SPRY3: variants seen among roughly 807,000 people sequenced by gnomAD.
The protein encoded by SPRY3 is sprouty RTK signaling antagonist 3, also known as protein sprouty homolog 3.
In SPRY3, 15 loss-of-function variants were observed where a neutral mutation model predicts 20.2. That is an observed-to-expected ratio of 0.74 (90% confidence interval 0.50 to 1.14). The LOEUF (loss-of-function observed/expected upper bound fraction) is 1.14. Among genes scored for constraint, SPRY3 ranks in the 50% most tolerant of loss-of-function variants. The probability of loss-of-function intolerance (pLI) is 0.00; values close to 1 mark genes in which losing one functional copy is unlikely to be tolerated. For synonymous variants in SPRY3, 143 were observed against 136.5 expected, an observed-to-expected ratio of 1.05 and a Z score of -0.33; for missense variants, 364 against 363.9, an observed-to-expected ratio of 1.00 and a Z score of 0.00.
At chrX:155,666,631 A>G (rs1191153270) in intron 2 of SPRY3, among the ~76,000 whole-genome samples, 3 of 111,870 alleles carry the variant, frequency 2.7e-5, no homozygotes, top group Non-Finnish European at 3.8e-5. Context: ...ATTGATCTAT[A>G]TTGCTAACAA....
chrX:155,736,509 T>G (rs1040460363), intron 2 of SPRY3, among the ~76,000 whole-genome samples: 8 of 152,016 alleles, frequency 5.3e-5, no homozygotes, highest in Admixed American at 5.2e-4. Context: ...AATACTTCGT[T>G]CCACTTTCTT....
chrX:155,756,760 A>G (rs750023119), intron 2 of SPRY3, among the ~76,000 whole-genome samples: 1 of 152,298 alleles, frequency 6.6e-6, no homozygotes, highest in East Asian at 1.9e-4. Context: ...CCTTTACAAG[A>G]CACAGAGACT....
At chrX:155,774,018 C>G (rs1176530431) in exon 4 of SPRY3, 23 of 1,613,834 alleles carry the variant, frequency 1.4e-5, no homozygotes, top group Non-Finnish European at 1.9e-5. Context: ...TGCAAACCCA[C>G]AAGTCTGATT....
chrX:155,740,634 G>A (rs1240329129), intron 2 of SPRY3, among the ~76,000 whole-genome samples: 5 of 152,170 alleles, frequency 3.3e-5, no homozygotes, highest in Middle Eastern at 3.4e-3. Flanking sequence ...AGGTCAGACC[G>A]GTTCTCTGCT....
intron 2 of SPRY3, among the ~76,000 whole-genome samples, chrX:155,684,431 T>A (rs1338109303): frequency 9.0e-6 from 1 of 111,492 alleles, no homozygotes; most frequent in Admixed American, 9.5e-5. Context: ...TCCAAATGTA[T>A]GCTTTTCACA....
chrX:155,746,140 G>A (rs1331291533), intron 2 of SPRY3, among the ~76,000 whole-genome samples: 1 of 151,586 alleles, frequency 6.6e-6, no homozygotes, highest in Admixed American at 6.6e-5. Context: ...ATTTGTAGCA[G>A]TGTGAATTGG....
intron 2 of SPRY3, among the ~76,000 whole-genome samples, chrX:155,746,352 T>G (rs1231086747): frequency 6.6e-6 from 1 of 152,036 alleles, no homozygotes; most frequent in Non-Finnish European, 1.5e-5. Flanking sequence ...TTTTTAGAAA[T>G]TATTCCAGTA....
intron 3 of SPRY3, among the ~76,000 whole-genome samples, chrX:155,770,436 A>G (rs982691736): frequency 7.2e-5 from 11 of 152,136 alleles, no homozygotes; most frequent in Non-Finnish European, 1.2e-4. Context: ...GAACATGGCA[A>G]ATTCAGGGCT....
At chrX:155,774,118 A>C in exon 4 of SPRY3, 2 of 1,613,974 alleles carry the variant, frequency 1.2e-6, no homozygotes, top group Non-Finnish European at 1.7e-6. Flanking sequence ...GAGCCAATCT[A>C]GCATTGCCAG....
At chrX:155,761,373 A>T (rs1375011773) in intron 2 of SPRY3, among the ~76,000 whole-genome samples, 2 of 152,162 alleles carry the variant, frequency 1.3e-5, no homozygotes, top group East Asian at 1.9e-4. Context: ...GATTCAAAAA[A>T]AACAGAATTT....
intron 2 of SPRY3, among the ~76,000 whole-genome samples, chrX:155,739,714 G>A (rs1342738474): frequency 6.6e-6 from 1 of 152,120 alleles, no homozygotes; most frequent in African/African-American, 2.4e-5. Context: ...GCAAACTGCA[G>A]CAGTCCTGTG....
intron 1 of SPRY3, among the ~76,000 whole-genome samples, chrX:155,641,430 T>C (rs1382565668): frequency 8.7e-6 from 1 of 114,835 alleles, no homozygotes; most frequent in Non-Finnish European, 1.9e-5. Flanking sequence ...CACCAAAGAA[T>C]TGATGTGGCG....
chrX:155,724,919 A>C lies in SPRY3; in HGVS notation c.-281-43043A>C, dbSNP rs1195708162. ...GCCGGTTTTCAAAGGCAATGCTTCC[A>C]GTTTTTGCCCATTCAGTATGATATT... On this transcript the variant is annotated intron_variant, in intron 2 of 3. Transcript: ENST00000675360. Among the ~76,000 whole-genome samples, 7 of 152,116 alleles carry C rather than the reference A, an allele frequency of 4.6e-5. 1 individual carries two copies. Among genetic ancestry groups the C allele is most frequent in the Admixed American group, 4.6e-4 (7 of 15,268 alleles).
chrX:155,745,138 C>T (rs904977326), intron 2 of SPRY3, among the ~76,000 whole-genome samples: 10 of 151,996 alleles, frequency 6.6e-5, no homozygotes, highest in African/African-American at 2.4e-4. Context: ...ACTATCTTTC[C>T]CCAAGCTTGA....
At chrX:155,667,759 T>C (rs1557354444) in intron 2 of SPRY3, among the ~76,000 whole-genome samples, 1 of 111,307 alleles carries the variant, frequency 9.0e-6, no homozygotes, top group African/African-American at 3.3e-5. Context: ...AGATCTCTTA[T>C]GAATCAATAA....
At chrX:155,748,359 T>C (rs1160743569) in intron 2 of SPRY3, among the ~76,000 whole-genome samples, 1 of 151,766 alleles carries the variant, frequency 6.6e-6, no homozygotes, top group Non-Finnish European at 1.5e-5. Flanking sequence ...CAGAAGTAGG[T>C]GGTATCAAAA....
chrX:155,748,484 A>C (rs1227544716), intron 2 of SPRY3, among the ~76,000 whole-genome samples: 1 of 151,848 alleles, frequency 6.6e-6, no homozygotes, highest in Non-Finnish European at 1.5e-5. Context: ...AACCTGGAAT[A>C]ACCCCAAGGT....
At chrX:155,729,641 G>A (rs1317045582) in intron 2 of SPRY3, among the ~76,000 whole-genome samples, 2 of 151,308 alleles carry the variant, frequency 1.3e-5, no homozygotes, top group Non-Finnish European at 3.0e-5. Context: ...ACTGAATGAT[G>A]CCTCTTACAG....
chrX:155,765,890 A>C (rs959712822), intron 2 of SPRY3, among the ~76,000 whole-genome samples: 58 of 152,328 alleles, frequency 3.8e-4, no homozygotes, highest in Non-Finnish European at 6.2e-4. Context: ...CAGAGAGGTT[A>C]ATTGAATTGC....
Sources: allele counts gnomAD v4.1 joint callset (sites outside exome capture counted in the v4.1 genomes callset), GRCh38; gene constraint gnomAD v4.1.1; transcripts MANE v1.5; gene names NCBI Gene and HGNC (gene_info 2026-07-23, HGNC 2026-07-21).